The following ITPR1 variants were observed in gnomAD, a reference collection of about 807,000 sequenced individuals.
ITPR1 encodes inositol 1,4,5-trisphosphate receptor type 1, also known as inositol 1,4,5-trisphosphate-gated calcium channel ITPR1.
Under a neutral mutation model 318.4 loss-of-function variants are expected in ITPR1, and 96 were observed. The observed-to-expected ratio is 0.30, with a 90% CI of 0.26 to 0.36. The LOEUF (loss-of-function observed/expected upper bound fraction) is 0.36. Among genes scored for constraint, ITPR1 ranks in the 10% least tolerant of loss-of-function variants. The probability of loss-of-function intolerance (pLI) is 1.00; values close to 1 mark genes in which losing one functional copy is unlikely to be tolerated. For synonymous variants in ITPR1, 1,312 were observed against 1,289.9 expected, an observed-to-expected ratio of 1.02 and a Z score of -0.37; for missense variants, 2,440 against 3,460.2, an observed-to-expected ratio of 0.71 and a Z score of 7.40.
At chr3:4,786,312 A>G (rs1461489435) in intron 51 of ITPR1, among the ~76,000 whole-genome samples, 1 of 152,192 alleles carries the variant, frequency 6.6e-6, no homozygotes, top group African/African-American at 2.4e-5. Flanking sequence ...AATGGGGTTG[A>G]GTTATGGACA....
intron 4 of ITPR1, among the ~76,000 whole-genome samples, chr3:4,536,963 A>G (rs937800692): frequency 3.4e-4 from 51 of 151,692 alleles, no homozygotes; most frequent in South Asian, 1.9e-3. Context: ...TTTGGGGTCA[A>G]TCCCAGACGA....
intron 44 of ITPR1, among the ~76,000 whole-genome samples, chr3:4,742,824 A>G (rs993565483): frequency 6.6e-6 from 1 of 152,200 alleles, no homozygotes; most frequent in African/African-American, 2.4e-5. Flanking sequence ...TTTTCTGTCT[A>G]AAATCCTACT....
At position 4,550,358 on chromosome 3, in the gene ITPR1, C is replaced by T. The variant is rs112023587; in HGVS notation, c.163+29264C>T. Among the ~76,000 whole-genome samples, 1,056 of 152,274 alleles carry T rather than the reference C, an allele frequency of 6.9e-3. 16 individuals carry two copies. The highest frequency in any genetic ancestry group is 0.024 in the African/African-American group (986 of 41,544). On this transcript the variant is annotated intron_variant, in intron 4 of 61. Coordinates refer to ENST00000649015, the MANE Select transcript of ITPR1 (RefSeq NM_001378452.1). ...AGTCCGCTGCCAGAGCGCTTGGTGACCGTCCAACCCACAGACGCGCTGCCA... is the reference window on the plus strand; with the variant it reads ...AGTCCGCTGCCAGAGCGCTTGGTGATCGTCCAACCCACAGACGCGCTGCCA...
intron 35 of ITPR1, among the ~76,000 whole-genome samples, chr3:4,702,606 C>T (rs1043144196): frequency 1.3e-5 from 2 of 152,128 alleles, no homozygotes; most frequent in Non-Finnish European, 2.9e-5. Context: ...ATGCATTGCC[C>T]TAAAATGCTT....
intron 34 of ITPR1, among the ~76,000 whole-genome samples, chr3:4,699,328 T>C (rs2094606085): frequency 6.6e-6 from 1 of 151,572 alleles, no homozygotes; most frequent in Non-Finnish European, 1.5e-5. Flanking sequence ...CAGCACTCCA[T>C]CCTGGGTGAC....
intron 4 of ITPR1, among the ~76,000 whole-genome samples, chr3:4,571,094 CTTTG>C (rs1026709284): frequency 2.6e-5 from 4 of 152,206 alleles, no homozygotes; most frequent in African/African-American, 7.2e-5. Context: ...TCCGTGAAGC[CTTTG>C]TTTGTGTCAT....
Position 4,690,494 on chromosome 3 carries a change from T to C in ITPR1, c.3829-650T>C, listed in dbSNP as rs894716800. On this transcript the variant is annotated intron_variant, in intron 31 of 61. Coordinates refer to ENST00000649015, the MANE Select transcript of ITPR1 (RefSeq NM_001378452.1). ...GACAAGGATAGGAACAGCTGGAATGTAGAATGCAACTTGTTAACATCTTTT... is the reference window on the plus strand; with the variant it reads ...GACAAGGATAGGAACAGCTGGAATGCAGAATGCAACTTGTTAACATCTTTT... Among the ~76,000 whole-genome samples the C allele has an allele frequency of 6.6e-5, 10 of 152,344 alleles. No homozygotes were observed. In the South Asian group the frequency reaches 1.4e-3, roughly 22 times the overall value.
intron 4 of ITPR1, among the ~76,000 whole-genome samples, chr3:4,578,159 T>C (rs1186144615): frequency 6.6e-6 from 1 of 152,216 alleles, no homozygotes; most frequent in Non-Finnish European, 1.5e-5. Flanking sequence ...TTTTTAAAGG[T>C]TGTAAGTGAA....
rs752651083 is a variant in ITPR1 at position 4,815,040 on chromosome 3, C to T, written c.7702-13C>T. 1.2e-6 allele frequency: 2 copies of T among 1,602,342 alleles called. No individual in the cohort carries two copies. Among genetic ancestry groups the T allele is most frequent in the African/African-American group, 2.7e-5 (2 of 74,674 alleles). ...AAGGGACCCAGACTGATCCAGACACCTCTCTTTTCCAGGAACCCCTGTTTG... is the reference window on the plus strand; with the variant it reads ...AAGGGACCCAGACTGATCCAGACACTTCTCTTTTCCAGGAACCCCTGTTTG... On this transcript the variant is annotated splice_polypyrimidine_tract_variant and intron_variant, in intron 58 of 61. Coordinates refer to ENST00000649015, the MANE Select transcript of ITPR1 (RefSeq NM_001378452.1).
chr3:4,645,841 T>C, intron 10 of ITPR1, 113 bp downstream of exon 10: 1 of 957,704 alleles, frequency 1.0e-6, no homozygotes, highest in South Asian at 1.4e-5. Context: ...TATATGTGTC[T>C]ATACACCCAC....
chr3:4,823,463 C>T (rs556885596), intron 60 of ITPR1, among the ~76,000 whole-genome samples: 2 of 152,170 alleles, frequency 1.3e-5, no homozygotes, highest in South Asian at 2.1e-4. Flanking sequence ...CAGTGGAATA[C>T]TATTTGGCCA....
intron 2 of ITPR1, among the ~76,000 whole-genome samples, chr3:4,501,477 A>C (rs989397503): frequency 6.6e-6 from 1 of 152,228 alleles, no homozygotes; most frequent in Non-Finnish European, 1.5e-5. Flanking sequence ...TTTTTGCAAG[A>C]TCCTCAAGTG....
intron 4 of ITPR1, among the ~76,000 whole-genome samples, chr3:4,539,738 G>A (rs1251772777): frequency 6.6e-6 from 1 of 152,030 alleles, no homozygotes; most frequent in Non-Finnish European, 1.5e-5. Flanking sequence ...GAGAACTGAT[G>A]GCTTTATAAG....
intron 24 of ITPR1, 49 bp from the exon 25 acceptor site, chr3:4,680,504 T>C (rs765727473): frequency 5.7e-6 from 9 of 1,572,264 alleles, no homozygotes; most frequent in East Asian, 2.2e-5. Flanking sequence ...AGAGTCAAGA[T>C]GGTATGTTAA....
Position 4,645,397 on chromosome 3 carries a change from T to C in ITPR1, c.635T>C (p.Val212Ala), listed in dbSNP as rs1322660769. ...GAATCTGTGTTTCAGGTCAATTCCG[T>C]CAACTGCAATACAAGCTGGAAAATA... ...DNPGCNEVNS[V>A]NCNTSWKIVL... The change falls in exon 9 of 62, where the codon GTC (valine) becomes GCC (alanine). Residue 212 changes from valine (V) to alanine (A), a missense_variant. Physicochemically the swap from Val to Ala is moderately conservative, Grantham distance 64 (BLOSUM62 0). Transcript: ENST00000649015. 6.2e-7 allele frequency: 1 copy of C among 1,612,070 alleles called. No homozygotes were observed. Among genetic ancestry groups the C allele is most frequent in the Non-Finnish European group, 8.5e-7 (1 of 1,178,388 alleles).
chr3:4,843,562 C>A (rs900996138), intron 61 of ITPR1, among the ~76,000 whole-genome samples: 13 of 152,166 alleles, frequency 8.5e-5, no homozygotes, highest in Non-Finnish European at 1.9e-4. Context: ...TGTGTTTTAA[C>A]AAATGTTCTG....
intron 4 of ITPR1, among the ~76,000 whole-genome samples, chr3:4,620,337 G>A (rs541727923): frequency 6.6e-6 from 1 of 152,280 alleles, no homozygotes; most frequent in South Asian, 2.1e-4. Context: ...CTCCTGCAGG[G>A]TTTGAGAAGG....
chr3:4,679,223 A>G (rs2094248044), intron 24 of ITPR1, among the ~76,000 whole-genome samples: 1 of 152,244 alleles, frequency 6.6e-6, no homozygotes, highest in South Asian at 2.1e-4. Context: ...AGATGAAGGC[A>G]AGACTGACAA....
In ITPR1 at chr3:4,670,906, A is replaced by C; in HGVS notation, c.2184A>C (p.Arg728=). Residue 728 remains arginine (R), a synonymous_variant, in exon 20 of 62, where the codon CGA becomes CGC. Coordinates refer to ENST00000649015, the MANE Select transcript of ITPR1 (RefSeq NM_001378452.1). ...QDAKEGQKED[R]DVLSYYRYQL... ...CTAAAGAAGGGCAGAAGGAGGACCG[A>C]GACGTTCTCAGCTACTACAGGTGCG... is the stretch of plus-strand genomic sequence containing the variant. 1 of 1,592,994 alleles carries C rather than the reference A, an allele frequency of 6.3e-7. No homozygotes were observed. The highest frequency in any genetic ancestry group is 8.6e-7 in the Non-Finnish European group (1 of 1,167,900).
Sources: gnomAD v4.1 joint callset for allele counts (sites outside exome capture counted in the v4.1 genomes callset) on GRCh38, gnomAD v4.1.1 for gene constraint, MANE v1.5 for transcripts, NCBI Gene and HGNC (gene_info 2026-07-23, HGNC 2026-07-21) for gene names.